Variants in TNN observed in about 807,000 individuals in gnomAD.
TNN encodes the protein tenascin N, also known as tenascin-N.
TNN carries 122 observed loss-of-function variants against 134.4 expected under a neutral mutation model. That is an observed-to-expected ratio of 0.91 (90% confidence interval 0.78 to 1.06). The LOEUF (loss-of-function observed/expected upper bound fraction) is 1.06. Ranked by LOEUF, TNN falls within the 50% of genes least tolerant of loss-of-function variation. The pLI, the probability that TNN is intolerant of heterozygous loss-of-function variation, is 0.00. For synonymous variants in TNN, 710 were observed against 670.3 expected (o/e 1.06, Z -0.91); for missense variants, 1,739 against 1,699.4 (o/e 1.02, Z -0.41).
In TNN at chr1:175,097,536, G is replaced by A. The variant is rs763097357; in HGVS notation, c.1708G>A (p.Asp570Asn). Residue 570 changes from aspartate to asparagine, a missense_variant, in exon 8 of 19, where the codon GAC (aspartate) becomes AAC (asparagine). Transcript: ENST00000239462. ...CGTGGTGCGCTACACCTCTGCTGAC[G>A]ACCAAGAGACCAGAGAGGTTCTGGT... is the stretch of plus-strand genomic sequence containing the variant. ...KYVVRYTSADDQETREVLVGK... is the reference protein window; with the variant it reads ...KYVVRYTSADNQETREVLVGK... 8.7e-6 allele frequency: 14 copies of A among 1,614,066 alleles called. No individual in the cohort carries two copies. Among genetic ancestry groups the A allele is most frequent in the Non-Finnish European group, 1.2e-5 (14 of 1,180,050 alleles).
chr1:175,070,890 G>A (rs532308660), intron 1 of TNN, among the ~76,000 whole-genome samples: 15 of 152,282 alleles, frequency 9.9e-5, no homozygotes, highest in African/African-American at 3.4e-4. Flanking sequence ...GAAGGCCCCT[G>A]AGTCACCCAG....
In TNN at chr1:175,139,982, G is replaced by T. The variant is rs79891787; in HGVS notation, c.3595+2994G>T. 9.9e-4 allele frequency among the ~76,000 whole-genome samples: 151 copies of T among 152,284 alleles called. 2 individuals are homozygous for T. The East Asian group carries it at 0.022, about 22-fold the overall frequency. On this transcript the variant is annotated intron_variant, in intron 17 of 18. Coordinates refer to ENST00000239462, the MANE Select transcript of TNN (RefSeq NM_022093.2). ...AGAAAAAGGCAGTTATAATACAGTT[G>T]GGAAACATAGATGGACATTCATATG...
chr1:175,131,733 C>T (rs1675678407), intron 15 of TNN, among the ~76,000 whole-genome samples: 1 of 152,136 alleles, frequency 6.6e-6, no homozygotes, highest in South Asian at 2.1e-4. Context: ...TTGCCGAAGC[C>T]TTGATTTAAG....
At chr1:175,114,081 A>T (rs1675104769) in intron 9 of TNN, among the ~76,000 whole-genome samples, 1 of 151,924 alleles carries the variant, frequency 6.6e-6, no homozygotes, top group Admixed American at 6.6e-5. Context: ...CTGTTTCTAG[A>T]GAGTTATTAT....
intron 4 of TNN, among the ~76,000 whole-genome samples, chr1:175,081,240 C>A (rs909321298): frequency 1.3e-5 from 2 of 152,204 alleles, no homozygotes; most frequent in Non-Finnish European, 2.9e-5. Flanking sequence ...GCAAATGCCA[C>A]CAAAATGTTT....
intron 15 of TNN, among the ~76,000 whole-genome samples, chr1:175,129,796 C>T (rs977625757): frequency 2.6e-5 from 4 of 152,090 alleles, no homozygotes; most frequent in African/African-American, 9.7e-5. Context: ...ATCCAAGATG[C>T]GAATGCATAG....
At chr1:175,084,253 T>C (rs1056317373) in intron 5 of TNN, among the ~76,000 whole-genome samples, 1 of 152,194 alleles carries the variant, frequency 6.6e-6, no homozygotes, top group African/African-American at 2.4e-5. Flanking sequence ...TGTATAGATA[T>C]TCCTTTTGGA....
chr1:175,142,249 C>T (rs989616134), intron 17 of TNN, among the ~76,000 whole-genome samples: 2 of 152,192 alleles, frequency 1.3e-5, no homozygotes, highest in Non-Finnish European at 2.9e-5. Flanking sequence ...CCAGAATCCT[C>T]CTGCTTTTTC....
At chr1:175,127,441 A>G (rs1675559844) in intron 13 of TNN, among the ~76,000 whole-genome samples, 1 of 152,242 alleles carries the variant, frequency 6.6e-6, no homozygotes, top group African/African-American at 2.4e-5. Flanking sequence ...GTCCCAATGG[A>G]AAATTATTAT....
rs777370361 is a variant in TNN, at chr1:175,097,509, T to C, written c.1681T>C (p.Tyr561His). Reference sequence around the variant, plus strand: ...CCCGGTACAGGCCACCATTGACAAGTACGTGGTGCGCTACACCTCTGCTGA... The same window carrying C: ...CCCGGTACAGGCCACCATTGACAAGCACGTGGTGCGCTACACCTCTGCTGA... The part of the protein sequence containing the change: ...WDPVQATIDK[Y>H]VVRYTSADDQ... The change falls in exon 8 of 19, where the codon TAC (tyrosine) becomes CAC (histidine). Residue 561 changes from tyrosine (Y) to histidine (H), a missense_variant. Tyr to His is a moderately conservative substitution (Grantham distance 83). Transcript: ENST00000239462. 1.9e-6 allele frequency: 3 copies of C among 1,614,046 alleles called. No homozygotes were observed. The highest frequency in any genetic ancestry group is 2.2e-5 in the East Asian group (1 of 44,892).
chr1:175,140,968 C>T (rs1007001941), intron 17 of TNN, among the ~76,000 whole-genome samples: 1 of 152,174 alleles, frequency 6.6e-6, no homozygotes, highest in Non-Finnish European at 1.5e-5. Context: ...CCTCCCTGCA[C>T]GCACCAGCTC....
intron 9 of TNN, among the ~76,000 whole-genome samples, chr1:175,109,792 T>A (rs889435556): frequency 7.2e-5 from 11 of 151,920 alleles, no homozygotes; most frequent in Non-Finnish European, 1.3e-4. Context: ...TTTTGGTTAT[T>A]ATGAATAGTG....
At position 175,103,608 on chromosome 1, in the gene TNN, C is replaced by T. The variant is rs1481678854; in HGVS notation, c.2119+5013C>T. Reference sequence around the variant, plus strand: ...ACTTCTATCTCTCTCTTTCTCTCTTCGACTTCTTCTTTGTCTTTTCCTTTC... The same window carrying T: ...ACTTCTATCTCTCTCTTTCTCTCTTTGACTTCTTCTTTGTCTTTTCCTTTC... On this transcript the variant is annotated intron_variant, in intron 9 of 18. Transcript: ENST00000239462. 1.3e-4 allele frequency among the ~76,000 whole-genome samples: 19 copies of T among 144,962 alleles called. 3 individuals are homozygous for T. The highest frequency in any genetic ancestry group is 2.6e-4 in the Non-Finnish European group (17 of 65,548).
At chr1:175,102,381 A>C (rs1470908388) in intron 9 of TNN, among the ~76,000 whole-genome samples, 1 of 146,048 alleles carries the variant, frequency 6.8e-6, no homozygotes, top group Non-Finnish European at 1.5e-5. Flanking sequence ...CTCGGGCTGC[A>C]CAGGAACCCA....
At chr1:175,099,440 G>A (rs962884598) in intron 9 of TNN, among the ~76,000 whole-genome samples, 6 of 150,368 alleles carry the variant, frequency 4.0e-5, no homozygotes, top group Admixed American at 3.3e-4. Context: ...AGGAGGAGAA[G>A]TGAGGGGTCA....
chr1:175,107,506 C>T (rs1674891509), intron 9 of TNN, among the ~76,000 whole-genome samples: 1 of 146,112 alleles, frequency 6.8e-6, no homozygotes, highest in African/African-American at 2.5e-5. Flanking sequence ...TCTTGCTGGG[C>T]TCAGGAGTGA....
chr1:175,078,206 C>T (rs1674101212), intron 2 of TNN, among the ~76,000 whole-genome samples: 1 of 152,184 alleles, frequency 6.6e-6, no homozygotes, highest in Non-Finnish European at 1.5e-5. Context: ...AATCCCAGTT[C>T]TACCACTTTT....
chr1:175,068,581 C>T lies in TNN; in HGVS notation c.-36+646C>T, dbSNP rs537943338. ...TCCCCATACTATTACCCTCACAATA[C>T]CTCAAAGAAAACATTTCAAGACATC... is the stretch of plus-strand genomic sequence containing the variant. On this transcript the variant is annotated intron_variant, in intron 1 of 18. Transcript: ENST00000239462. Among the ~76,000 whole-genome samples the T allele has an allele frequency of 4.6e-5, 7 of 152,232 alleles. No individual in the cohort carries two copies. In the East Asian group the frequency reaches 1.2e-3, roughly 25 times the overall value.
In TNN at chr1:175,126,103, T is replaced by C. The variant is rs991965165; in HGVS notation, c.2915-852T>C. 7.7e-5 allele frequency among the ~76,000 whole-genome samples: 4 copies of C among 51,996 alleles called. No individual in the cohort carries two copies. The Admixed American group carries it at 9.1e-4, about 12-fold the overall frequency. 34.1% of individuals were successfully genotyped at this position (51,996 alleles called of 152,430 possible). A position where few individuals can be genotyped will look rare whatever the true frequency, so the allele number is the denominator to read the frequency against. On this transcript the variant is annotated intron_variant, in intron 12 of 18. Transcript: ENST00000239462. The stretch of plus-strand genomic sequence containing the variant: ...TAAGAAACATAACTTTTTGTTTCTT[T>C]CTTTTTTTTTTTTTTTAAGACAGAG...
Sources: allele counts gnomAD v4.1 joint callset (sites outside exome capture counted in the v4.1 genomes callset), GRCh38; gene constraint gnomAD v4.1.1; transcripts MANE v1.5; gene names NCBI Gene and HGNC (gene_info 2026-07-23, HGNC 2026-07-21).